RNLS: variants seen among roughly 807,000 people sequenced by gnomAD.
RNLS encodes renalase, FAD dependent amine oxidase.
In RNLS, 39 loss-of-function variants were observed where a neutral mutation model predicts 39.8. That is an observed-to-expected ratio of 0.98 (90% CI 0.76 to 1.28). RNLS has a LOEUF of 1.28. Ranked by LOEUF, RNLS falls within the 50% of genes most tolerant of loss-of-function variation. The pLI is 0.00. For synonymous variants in RNLS, 147 were observed against 150.7 expected, an observed-to-expected ratio of 0.98 and a Z score of 0.18; for missense variants, 410 against 413.3, an observed-to-expected ratio of 0.99 and a Z score of 0.07.
intron 4 of RNLS, among the ~76,000 whole-genome samples, chr10:88,547,109 T>C (rs1848356067): frequency 6.6e-6 from 1 of 152,224 alleles, no homozygotes; most frequent in Non-Finnish European, 1.5e-5. Flanking sequence ...TCTGAAGCAG[T>C]GATCCTAAAG....
intron 4 of RNLS, among the ~76,000 whole-genome samples, chr10:88,397,074 A>G (rs572989984): frequency 1.1e-4 from 17 of 152,084 alleles, no homozygotes; most frequent in African/African-American, 4.1e-4. Flanking sequence ...CAGAAGATCA[A>G]TAAAGAAATA....
At chr10:88,396,166 A>G (rs545989473) in intron 4 of RNLS, among the ~76,000 whole-genome samples, 1 of 152,242 alleles carries the variant, frequency 6.6e-6, no homozygotes, top group East Asian at 1.9e-4. Flanking sequence ...GAAAACTGGT[A>G]AAGATACCTA....
chr10:88,490,795 T>C (rs1844829926), intron 4 of RNLS, among the ~76,000 whole-genome samples: 3 of 152,048 alleles, frequency 2.0e-5, no homozygotes, highest in Admixed American at 2.0e-4. Context: ...ACCACTTGAG[T>C]TGTGACATAC....
intron 6 of RNLS, among the ~76,000 whole-genome samples, chr10:88,305,225 G>A (rs1442228609): frequency 1.3e-5 from 2 of 152,138 alleles, no homozygotes; most frequent in Non-Finnish European, 2.9e-5. Context: ...GGAAAGGAAA[G>A]ACGGTTACCA....
chr10:88,467,531 C>G (rs1349871480), intron 4 of RNLS, among the ~76,000 whole-genome samples: 1 of 152,102 alleles, frequency 6.6e-6, no homozygotes, highest in African/African-American at 2.4e-5. Flanking sequence ...TCCAAAAGCA[C>G]ACCTGGTGCC....
the RNLS span, among the ~76,000 whole-genome samples, chr10:88,210,056 T>C: frequency 6.6e-6 from 1 of 152,232 alleles, no homozygotes; most frequent in Non-Finnish European, 1.5e-5. Flanking sequence ...GAACTAATTG[T>C]ACCGTGCCCT....
intron 4 of RNLS, among the ~76,000 whole-genome samples, chr10:88,550,412 T>C (rs1465564133): frequency 6.6e-6 from 1 of 152,196 alleles, no homozygotes; most frequent in Non-Finnish European, 1.5e-5. Context: ...CAATATTTAA[T>C]CAAGTACAAC....
chr10:88,249,543 A>T, the RNLS span, among the ~76,000 whole-genome samples: 4 of 152,068 alleles, frequency 2.6e-5, no homozygotes, highest in African/African-American at 9.7e-5. Context: ...AGGTGTGAAG[A>T]CTCAAAGACT....
At chr10:88,291,837 A>G (rs1843689760) in intron 6 of RNLS, among the ~76,000 whole-genome samples, 1 of 152,046 alleles carries the variant, frequency 6.6e-6, no homozygotes, top group South Asian at 2.1e-4. Flanking sequence ...AAACCCAATT[A>G]CAATTCCTTC....
At chr10:88,469,058 T>C (rs879475043) in intron 4 of RNLS, among the ~76,000 whole-genome samples, 1 of 152,184 alleles carries the variant, frequency 6.6e-6, no homozygotes, top group Non-Finnish European at 1.5e-5. Flanking sequence ...AGTGGATATA[T>C]GGTACATATA....
chr10:88,288,850 T>C (rs1014534620), intron 6 of RNLS, among the ~76,000 whole-genome samples: 2 of 152,162 alleles, frequency 1.3e-5, no homozygotes, highest in African/African-American at 4.8e-5. Flanking sequence ...ACATGGAGCA[T>C]GTATTGGCAA....
At chr10:88,424,761 G>A (rs139869692) in intron 4 of RNLS, among the ~76,000 whole-genome samples, 77 of 152,172 alleles carry the variant, frequency 5.1e-4, no homozygotes, top group African/African-American at 1.7e-3. Context: ...TTTTTAACGC[G>A]TGAATGCAGA....
intron 4 of RNLS, among the ~76,000 whole-genome samples, chr10:88,370,039 G>A (rs1299399720): frequency 6.6e-6 from 1 of 152,022 alleles, no homozygotes; most frequent in Non-Finnish European, 1.5e-5. Context: ...TTCTTGCTGG[G>A]ACCCTGACTG....
At chr10:88,569,802 C>A (rs1175409840) in intron 4 of RNLS, among the ~76,000 whole-genome samples, 1 of 151,940 alleles carries the variant, frequency 6.6e-6, no homozygotes, top group African/African-American at 2.4e-5. Flanking sequence ...ACGTAACAAA[C>A]CTTCACATGT....
intron 4 of RNLS, among the ~76,000 whole-genome samples, chr10:88,402,361 A>C (rs113420645): frequency 1.6e-4 from 24 of 152,132 alleles, no homozygotes; most frequent in African/African-American, 5.3e-4. Context: ...GAAACAGAAC[A>C]AATACTAAAC....
intron 4 of RNLS, among the ~76,000 whole-genome samples, chr10:88,441,754 T>C (rs925650875): frequency 6.6e-6 from 1 of 152,138 alleles, no homozygotes; most frequent in Non-Finnish European, 1.5e-5. Context: ...AACAAACATC[T>C]AAGATGGGCC....
At chr10:88,487,416 A>C (rs1194273289) in intron 4 of RNLS, among the ~76,000 whole-genome samples, 2 of 152,168 alleles carry the variant, frequency 1.3e-5, no homozygotes, top group Admixed American at 6.6e-5. Context: ...AAAATGCATA[A>C]AAGATTTGAA....
intron 4 of RNLS, among the ~76,000 whole-genome samples, chr10:88,433,673 A>G (rs1857157): frequency 0.061 from 9,335 of 152,130 alleles, 415 homozygotes; most frequent in African/African-American, 0.12. Flanking sequence ...ATGCAATGTA[A>G]TATTAGCAAT....
chr10:88,222,509 A>AAAT, the RNLS span, among the ~76,000 whole-genome samples: 2 of 152,224 alleles, frequency 1.3e-5, no homozygotes, highest in Non-Finnish European at 2.9e-5. Flanking sequence ...AACTGGGGAA[A>AAAT]AATAATAATA....
Sources: gnomAD v4.1 joint callset for allele counts (sites outside exome capture counted in the v4.1 genomes callset) on GRCh38, gnomAD v4.1.1 for gene constraint, MANE v1.5 for transcripts, NCBI Gene and HGNC (gene_info 2026-07-23, HGNC 2026-07-21) for gene names.